The following CDH9 variants were observed in gnomAD, a reference collection of about 807,000 sequenced individuals.
CDH9 encodes cadherin-9.
Under a neutral mutation model 70.9 loss-of-function variants are expected in CDH9, and 28 were observed. The ratio of observed to expected loss-of-function variants is 0.40; its 90% CI spans 0.29 to 0.54. The LOEUF (loss-of-function observed/expected upper bound fraction) is 0.54, where lower values mean the gene tolerates loss of function less well. Among genes scored for constraint, CDH9 ranks in the 20% least tolerant of loss-of-function variants. The pLI is 0.59. For missense variants in CDH9, 874 were observed against 984.4 expected, an observed-to-expected ratio of 0.89 and a Z score of 1.50; for synonymous variants, 409 against 343.1, an observed-to-expected ratio of 1.19 and a Z score of -2.12.
chr5:27,005,559 T>C (rs1017626237), intron 1 of CDH9, among the ~76,000 whole-genome samples: 5 of 151,986 alleles, frequency 3.3e-5, no homozygotes, highest in African/African-American at 1.2e-4. Context: ...ACACATGCAC[T>C]GATGGTGGGG....
chr5:26,989,016 T>C (rs1348905780), intron 1 of CDH9, among the ~76,000 whole-genome samples: 1 of 152,074 alleles, frequency 6.6e-6, no homozygotes, highest in Non-Finnish European at 1.5e-5. Flanking sequence ...GACACTCAAA[T>C]TTATTTGAGA....
In CDH9 at chr5:26,903,688, G is replaced by A. The variant is rs143973229; in HGVS notation, c.948C>T (p.Phe316=). Residue 316 remains phenylalanine (F), a synonymous_variant, in exon 6 of 12, where the codon TTC becomes TTT. Coordinates refer to ENST00000231021, the MANE Select transcript of CDH9 (RefSeq NM_016279.4). The part of the protein sequence containing the change: ...SIAEGDGADM[F]DVITDKDTQE... ...GTGTATCCTTGTCAGTGATGACATCGAACATGTCTGCACCATCTCCTTCAG... is the reference window on the plus strand; with the variant it reads ...GTGTATCCTTGTCAGTGATGACATCAAACATGTCTGCACCATCTCCTTCAG... The A allele has an allele frequency of 2.6e-5, 42 of 1,609,968 alleles. No individual in the cohort carries two copies. The highest frequency in any genetic ancestry group is 8.4e-5 in the Admixed American group (5 of 59,874).
chr5:26,970,934 ACT>A (rs879903394), intron 2 of CDH9, among the ~76,000 whole-genome samples: 1 of 152,018 alleles, frequency 6.6e-6, no homozygotes, highest in African/African-American at 2.4e-5. Flanking sequence ...ACCAACATAA[ACT>A]CTCATTTCCT....
Position 26,885,693 on chromosome 5 carries a change from G to A in CDH9, c.1803C>T (p.Thr601=), listed in dbSNP as rs934703578. The part of the protein sequence containing the change: ...CDNQGNMQSC[T]AEALILSAGL... ...CGGCTGAAAGGATCAGGGCTTCTGC[G>A]GTGCAGGATTGCATGTTTCCTTGAT... is the stretch of plus-strand genomic sequence containing the variant. The change falls in exon 11 of 12, where the codon ACC becomes ACT. Residue 601 remains threonine, a synonymous_variant. Transcript: ENST00000231021. 6 of 1,613,350 alleles carry A rather than the reference G, an allele frequency of 3.7e-6. No homozygotes were observed. The highest frequency in any genetic ancestry group is 2.2e-5 in the East Asian group (1 of 44,818).
intron 1 of CDH9, among the ~76,000 whole-genome samples, chr5:27,022,528 T>A (rs1224658542): frequency 6.6e-6 from 1 of 152,098 alleles, no homozygotes; most frequent in Non-Finnish European, 1.5e-5. Context: ...TGATTACTAA[T>A]TGAATTAGTC....
chr5:26,890,179 C>A (rs1740632495), intron 8 of CDH9, among the ~76,000 whole-genome samples: 1 of 152,066 alleles, frequency 6.6e-6, no homozygotes, highest in African/African-American at 2.4e-5. Flanking sequence ...AGATAATTTT[C>A]TTAGATTATT....
At chr5:26,997,503 GGA>G (rs992358878) in intron 1 of CDH9, among the ~76,000 whole-genome samples, 9 of 151,996 alleles carry the variant, frequency 5.9e-5, no homozygotes, top group African/African-American at 2.2e-4. Flanking sequence ...AACAGAAAAT[GGA>G]GAGTGATATA....
At chr5:27,028,579 C>A (rs1743259575) in intron 1 of CDH9, among the ~76,000 whole-genome samples, 1 of 151,936 alleles carries the variant, frequency 6.6e-6, no homozygotes, top group Admixed American at 6.6e-5. Flanking sequence ...GTCTTTTCCA[C>A]AAAGTGTGGT....
At chr5:27,023,762 C>T (rs1743177888) in intron 1 of CDH9, among the ~76,000 whole-genome samples, 1 of 151,858 alleles carries the variant, frequency 6.6e-6, no homozygotes, top group Non-Finnish European at 1.5e-5. Flanking sequence ...TTAAAAATAG[C>T]ATGTAAGGGC....
rs183229479 is a variant in CDH9, at chr5:26,907,425, T to C, written c.524-587A>G. On this transcript the variant is annotated intron_variant, in intron 3 of 11. Coordinates refer to ENST00000231021, the MANE Select transcript of CDH9 (RefSeq NM_016279.4). ...TCTCTTTTAAATATAGATAATATGG[T>C]TCTTATGATTACCTCTATTGATATG... Among the ~76,000 whole-genome samples the C allele has an allele frequency of 3.9e-5, 6 of 152,242 alleles. No individual in the cohort carries two copies. In the East Asian group the frequency reaches 1.2e-3, roughly 29 times the overall value.
chr5:26,890,825 G>A, intron 7 of CDH9: 2 of 342,624 alleles, frequency 5.8e-6, no homozygotes, highest in Non-Finnish European at 1.1e-5. Flanking sequence ...CTGTTAAAGT[G>A]AGTTCTTAAG....
At chr5:27,034,518 G>T (rs1291472571) in intron 1 of CDH9, among the ~76,000 whole-genome samples, 1 of 151,462 alleles carries the variant, frequency 6.6e-6, no homozygotes, top group East Asian at 1.9e-4. Context: ...AAAATATTCA[G>T]CTCTTTACTT....
chr5:26,891,385 G>A (rs1740657019), intron 7 of CDH9, among the ~76,000 whole-genome samples: 1 of 152,030 alleles, frequency 6.6e-6, no homozygotes, highest in Non-Finnish European at 1.5e-5. Context: ...GCCCTTAAAA[G>A]TGGAATGGGA....
At chr5:26,950,130 G>A (rs1431897192) in intron 2 of CDH9, among the ~76,000 whole-genome samples, 3 of 152,134 alleles carry the variant, frequency 2.0e-5, no homozygotes, top group African/African-American at 4.8e-5. Context: ...GGGTTTCAGT[G>A]ATAGAGAGGC....
At chr5:26,893,186 C>A (rs1027881663) in intron 7 of CDH9, among the ~76,000 whole-genome samples, 1 of 152,108 alleles carries the variant, frequency 6.6e-6, no homozygotes, top group African/African-American at 2.4e-5. Context: ...TGGGTCTGAT[C>A]ATAATTTTAA....
At position 26,881,615 on chromosome 5, in the gene CDH9, C is replaced by G. The variant is rs1331472431; in HGVS notation, c.1891G>C (p.Val631Leu). 2.5e-6 allele frequency: 4 copies of G among 1,601,902 alleles called. No individual in the cohort carries two copies. Among genetic ancestry groups the G allele is most frequent in the Non-Finnish European group, 3.4e-6 (4 of 1,176,580 alleles). The change falls in exon 12 of 12, where the codon GTG becomes CTG. Residue 631 changes from valine (V) to leucine (L), a missense_variant. Val to Leu is a conservative substitution (Grantham distance 32). Transcript: ENST00000231021. Reference sequence around the variant, plus strand: ...TGCCTCTTCAATGCAGCAAACAACACGACTAAAACTATTAATAAGAAATGG... The same window carrying G: ...TGCCTCTTCAATGCAGCAAACAACAGGACTAAAACTATTAATAAGAAATGG... ...LCVLILLILVVLFAALKRQRK... is the reference protein window; with the variant it reads ...LCVLILLILVLLFAALKRQRK...
chr5:27,019,538 C>T (rs1014568342), intron 1 of CDH9, among the ~76,000 whole-genome samples: 2 of 151,690 alleles, frequency 1.3e-5, no homozygotes, highest in East Asian at 3.9e-4. Context: ...ATCTTGGTGT[C>T]ACTTTGTGAG....
At chr5:26,994,683 A>G (rs962604598) in intron 1 of CDH9, among the ~76,000 whole-genome samples, 3 of 152,058 alleles carry the variant, frequency 2.0e-5, no homozygotes, top group African/African-American at 7.2e-5. Context: ...TGGATTCCCC[A>G]GTTTCCAGAA....
intron 1 of CDH9, among the ~76,000 whole-genome samples, chr5:27,007,799 G>A (rs1579509573): frequency 6.6e-6 from 1 of 151,980 alleles, no homozygotes; most frequent in Non-Finnish European, 1.5e-5. Flanking sequence ...TATAATATTT[G>A]TTTTCTACTG....
Sources: gnomAD v4.1 joint callset for allele counts (sites outside exome capture counted in the v4.1 genomes callset) on GRCh38, gnomAD v4.1.1 for gene constraint, MANE v1.5 for transcripts, NCBI Gene and HGNC (gene_info 2026-07-23, HGNC 2026-07-21) for gene names.